THSD7B: variants seen among roughly 807,000 people sequenced by gnomAD.
THSD7B encodes the protein thrombospondin type 1 domain containing 7B, also known as thrombospondin type-1 domain-containing protein 7B.
Under a neutral mutation model 213.6 loss-of-function variants are expected in THSD7B, and 138 were observed. The ratio of observed to expected loss-of-function variants is 0.65; its 90% confidence interval spans 0.56 to 0.74. The LOEUF is 0.74. Ranked by LOEUF, THSD7B falls within the 30% of genes least tolerant of loss-of-function variation. The pLI, the probability that THSD7B is intolerant of heterozygous loss-of-function variation, is 0.00. For missense variants in THSD7B, 1,931 were observed against 1,991.5 expected (o/e 0.97, Z 0.58); for synonymous variants, 742 against 687.0 (o/e 1.08, Z -1.25).
At chr2:137,635,427 T>A (rs534257429) in intron 20 of THSD7B, among the ~76,000 whole-genome samples, 1 of 152,196 alleles carries the variant, frequency 6.6e-6, no homozygotes, top group African/African-American at 2.4e-5. Context: ...CATGAGGATA[T>A]GTATGGCAGC....
At chr2:136,782,134 C>A (rs1197910480) in intron 1 of THSD7B, among the ~76,000 whole-genome samples, 1 of 152,168 alleles carries the variant, frequency 6.6e-6, no homozygotes, top group African/African-American at 2.4e-5. Flanking sequence ...TGGAAAAGAT[C>A]TGAAATGTAC....
intron 9 of THSD7B, among the ~76,000 whole-genome samples, chr2:137,237,661 C>A (rs1172460280): frequency 6.6e-6 from 1 of 152,140 alleles, no homozygotes. Flanking sequence ...ATACAGAAAA[C>A]CAACTTTACC....
chr2:137,548,332 A>G (rs1680779712), intron 15 of THSD7B, among the ~76,000 whole-genome samples: 1 of 151,936 alleles, frequency 6.6e-6, no homozygotes, highest in South Asian at 2.1e-4. Context: ...TTTCACTCCT[A>G]AATCTTAGTG....
chr2:137,627,753 T>C (rs75451029), intron 20 of THSD7B, among the ~76,000 whole-genome samples: 3,252 of 152,282 alleles, frequency 0.021, 69 homozygotes, highest in South Asian at 0.067. Flanking sequence ...AGAATGTCAC[T>C]CATAATGAAA....
chr2:137,310,508 A>C (rs1292571050), intron 12 of THSD7B, among the ~76,000 whole-genome samples: 1 of 150,276 alleles, frequency 6.7e-6, no homozygotes, highest in Non-Finnish European at 1.5e-5. Context: ...CTTTAGTTTA[A>C]TGAGATCCCA....
At chr2:137,648,429 A>G (rs1028733811) in intron 21 of THSD7B, among the ~76,000 whole-genome samples, 1 of 151,898 alleles carries the variant, frequency 6.6e-6, no homozygotes. Context: ...TTAACTCTCT[A>G]TCTTTGTGAG....
chr2:137,245,811 A>T (rs977393550), intron 10 of THSD7B, among the ~76,000 whole-genome samples: 5 of 152,180 alleles, frequency 3.3e-5, no homozygotes, highest in Admixed American at 3.3e-4. Context: ...TGTCCTTGAG[A>T]GTGTCCTTCA....
At chr2:137,254,981 C>T (rs753868188) in intron 10 of THSD7B, among the ~76,000 whole-genome samples, 65 of 152,038 alleles carry the variant, frequency 4.3e-4, no homozygotes, top group Non-Finnish European at 7.4e-4. Flanking sequence ...AACATTAGGA[C>T]CTGTTTATCA....
intron 12 of THSD7B, among the ~76,000 whole-genome samples, chr2:137,327,490 T>C (rs1330608360): frequency 6.6e-6 from 1 of 152,190 alleles, no homozygotes. Flanking sequence ...GTTTTCCTTT[T>C]CTCTTTCTCC....
intron 3 of THSD7B, among the ~76,000 whole-genome samples, chr2:137,069,874 A>C (rs1687448249): frequency 6.6e-6 from 1 of 150,520 alleles, no homozygotes; most frequent in African/African-American, 2.4e-5. Flanking sequence ...TACATATAAA[A>C]CATATATATA....
chr2:137,065,040 G>A (rs530354154), intron 3 of THSD7B, among the ~76,000 whole-genome samples: 33 of 151,602 alleles, frequency 2.2e-4, no homozygotes, highest in African/African-American at 6.5e-4. Context: ...TTGTTTTTGC[G>A]ATTTCTGTGA....
chr2:136,804,434 A>ACACACACC (rs1226092372), intron 1 of THSD7B, among the ~76,000 whole-genome samples: 2 of 144,028 alleles, frequency 1.4e-5, no homozygotes, highest in Admixed American at 6.9e-5. Context: ...ACACACACAC[A>ACACACACC]CACACCCTTA....
chr2:137,501,803 TAGC>T (rs1301162631), intron 15 of THSD7B, among the ~76,000 whole-genome samples: 2 of 152,218 alleles, frequency 1.3e-5, no homozygotes, highest in Admixed American at 1.3e-4. Context: ...AGCCACAGAA[TAGC>T]AGAGATAAGT....
Position 137,294,178 on chromosome 2 carries a change from C to G in THSD7B, c.2500+18152C>G, listed in dbSNP as rs961998722. ...TCTCTTTCTATTAAATACCTGTGAG[C>G]AGCAAATGTGTTTCATTCATCTTTG... On this transcript the variant is annotated intron_variant, in intron 12 of 27. Transcript: ENST00000409968. 1.2e-4 allele frequency among the ~76,000 whole-genome samples: 18 copies of G among 152,102 alleles called. 1 individual carries two copies.
At chr2:136,932,318 A>G (rs1228613982) in intron 2 of THSD7B, among the ~76,000 whole-genome samples, 1 of 152,230 alleles carries the variant, frequency 6.6e-6, no homozygotes, top group East Asian at 1.9e-4. Flanking sequence ...GTGCAAATTA[A>G]TCTGCAAATT....
intron 1 of THSD7B, among the ~76,000 whole-genome samples, chr2:136,828,863 G>T (rs1345068343): frequency 5.9e-5 from 9 of 152,010 alleles, no homozygotes; most frequent in African/African-American, 2.2e-4. Flanking sequence ...TAGCAACATG[G>T]TCTTCTCCTG....
chr2:137,558,672 T>C (rs1193869032), intron 15 of THSD7B, among the ~76,000 whole-genome samples: 8 of 152,174 alleles, frequency 5.3e-5, no homozygotes, highest in Non-Finnish European at 1.0e-4. Flanking sequence ...GATGTCCTCT[T>C]GCACCACTCC....
At chr2:137,104,179 A>C (rs559786894) in intron 4 of THSD7B, among the ~76,000 whole-genome samples, 5 of 152,166 alleles carry the variant, frequency 3.3e-5, no homozygotes, top group African/African-American at 4.8e-5. Flanking sequence ...AATAACAAAC[A>C]GTCTCTCAGA....
At chr2:137,675,361 G>A (rs1166054652) in intron 27 of THSD7B, among the ~76,000 whole-genome samples, 1 of 143,680 alleles carries the variant, frequency 7.0e-6, no homozygotes, top group Non-Finnish European at 1.5e-5. Flanking sequence ...ATTCATATGT[G>A]CAGACAAAAA....
Sources: allele counts gnomAD v4.1 joint callset (sites outside exome capture counted in the v4.1 genomes callset), GRCh38; gene constraint gnomAD v4.1.1; transcripts MANE v1.5; gene names NCBI Gene and HGNC (gene_info 2026-07-23, HGNC 2026-07-21).